Variants in PPFIBP1 observed in about 807,000 individuals in gnomAD.
PPFIBP1 encodes liprin-beta-1.
PPFIBP1 carries 112 observed loss-of-function variants against 137.8 expected under a neutral mutation model. The ratio of observed to expected loss-of-function variants is 0.81; its 90% CI spans 0.70 to 0.95. The LOEUF (loss-of-function observed/expected upper bound fraction) is 0.95, where lower values mean the gene tolerates loss of function less well. PPFIBP1 is among the 40% of genes least tolerant of loss of function. PPFIBP1 has a pLI of 0.00. For missense variants in PPFIBP1, 1,083 were observed against 1,196.6 expected (o/e 0.91, Z 1.40); for synonymous variants, 378 against 417.3 (o/e 0.91, Z 1.15).
intron 1 of PPFIBP1, among the ~76,000 whole-genome samples, chr12:27,555,453 C>T (rs143162218): frequency 5.6e-4 from 86 of 152,262 alleles, no homozygotes; most frequent in African/African-American, 1.9e-3. Context: ...GTGTTTCACT[C>T]GAGCGGGCTA....
chr12:27,566,797 T>G (rs768887129), intron 1 of PPFIBP1, among the ~76,000 whole-genome samples: 19 of 152,144 alleles, frequency 1.2e-4, no homozygotes, highest in Admixed American at 2.6e-4. Flanking sequence ...GGTCAGCAAG[T>G]ACTGGAGCTG....
intron 25 of PPFIBP1, 103 bp downstream of exon 25, chr12:27,687,610 C>G (rs547198156): frequency 2.3e-6 from 3 of 1,325,186 alleles, no homozygotes; most frequent in Admixed American, 4.6e-5. Flanking sequence ...GCAGGAAAAG[C>G]CTTAAAATCC....
chr12:27,646,995 C>A (rs2058548880), intron 5 of PPFIBP1, among the ~76,000 whole-genome samples: 2 of 152,104 alleles, frequency 1.3e-5, no homozygotes, highest in African/African-American at 4.8e-5. Context: ...TTTGAATTCC[C>A]TGGGTTTTGT....
At chr12:27,628,302 G>A (rs1259847252) in intron 2 of PPFIBP1, among the ~76,000 whole-genome samples, 1 of 152,018 alleles carries the variant, frequency 6.6e-6, no homozygotes, top group African/African-American at 2.4e-5. Context: ...TCAGCCTCCT[G>A]AGCAGCTGGA....
At chr12:27,588,804 A>G (rs769195122) in intron 2 of PPFIBP1, among the ~76,000 whole-genome samples, 1 of 152,230 alleles carries the variant, frequency 6.6e-6, no homozygotes, top group East Asian at 1.9e-4. Flanking sequence ...GTAGTTCCTT[A>G]TAAAGCATAT....
At chr12:27,598,920 C>A (rs538621675) in intron 2 of PPFIBP1, among the ~76,000 whole-genome samples, 62 of 152,272 alleles carry the variant, frequency 4.1e-4, no homozygotes, top group Non-Finnish European at 5.3e-4. Context: ...TCTCTTGAAG[C>A]AAGATCAACT....
intron 2 of PPFIBP1, chr12:27,594,170 TTC>T: frequency 1.1e-5 from 4 of 377,356 alleles, no homozygotes; most frequent in Non-Finnish European, 1.8e-5. Context: ...CCATCCCCTT[TTC>T]TATTTTTTTT....
Position 27,573,627 on chromosome 12 carries a change from A to T in PPFIBP1, c.-123-4525A>T, listed in dbSNP as rs541935246. Among the ~76,000 whole-genome samples, 3 of 152,334 alleles carry T rather than the reference A, an allele frequency of 2.0e-5. No homozygotes were observed. In the East Asian group the frequency reaches 5.8e-4, roughly 29 times the overall value. On this transcript the variant is annotated intron_variant, in intron 1 of 29. Transcript: ENST00000228425. ...GTGGAAGGTCTTTAAAGTCAAACTC[A>T]AGGATCTAGACTTTACTCTGCAGAC...
chr12:27,609,495 C>T (rs1291028054), intron 2 of PPFIBP1, among the ~76,000 whole-genome samples: 2 of 152,212 alleles, frequency 1.3e-5, no homozygotes, highest in Non-Finnish European at 2.9e-5. Context: ...TCACTACCTC[C>T]ACCTTGTCCA....
chr12:27,629,260 C>T (rs1371580261), intron 2 of PPFIBP1, among the ~76,000 whole-genome samples: 2 of 152,140 alleles, frequency 1.3e-5, no homozygotes, highest in African/African-American at 4.8e-5. Context: ...AAATAAAGAA[C>T]TTAAATGGGA....
intron 11 of PPFIBP1, among the ~76,000 whole-genome samples, chr12:27,661,420 G>A (rs1385371741): frequency 6.6e-6 from 1 of 152,126 alleles, no homozygotes; most frequent in Non-Finnish European, 1.5e-5. Context: ...CCAGAAAACA[G>A]CGGCATGGGC....
In PPFIBP1 at chr12:27,622,860, T is replaced by C. The variant is rs547043707; in HGVS notation, c.-35-10502T>C. ...CTCCTGATGAAATAGCCTTTTGTTG[T>C]CTATTTAATAAAAAGAAATACTGAT... On this transcript the variant is annotated intron_variant, in intron 2 of 29. Transcript: ENST00000228425. 1.6e-4 allele frequency among the ~76,000 whole-genome samples: 25 copies of C among 152,364 alleles called. 1 individual carries two copies. The highest frequency in any genetic ancestry group is 1.2e-3 in the Admixed American group (19 of 15,302).
intron 2 of PPFIBP1, among the ~76,000 whole-genome samples, chr12:27,581,972 G>T (rs2051166821): frequency 6.7e-6 from 1 of 148,562 alleles, no homozygotes; most frequent in Admixed American, 6.9e-5. Context: ...CTTTGCGTGT[G>T]TGTGTGTACG....
At chr12:27,658,711 T>G (rs866694700) in intron 9 of PPFIBP1, 105 bp from the exon 10 acceptor site, 2 of 1,265,010 alleles carry the variant, frequency 1.6e-6, no homozygotes, top group South Asian at 2.6e-5. Context: ...TGAGGTTAGA[T>G]TTCCGTTATT....
chr12:27,551,389 A>G (rs1483694581), intron 1 of PPFIBP1, among the ~76,000 whole-genome samples: 4 of 152,210 alleles, frequency 2.6e-5, no homozygotes, highest in African/African-American at 9.7e-5. Context: ...AGTACTACGA[A>G]GGTCTAAACC....
At chr12:27,670,854 A>G (rs1167211014) in intron 13 of PPFIBP1, among the ~76,000 whole-genome samples, 1 of 151,288 alleles carries the variant, frequency 6.6e-6, no homozygotes, top group Non-Finnish European at 1.5e-5. Flanking sequence ...AAATCTTACA[A>G]TAAATCATTG....
intron 2 of PPFIBP1, among the ~76,000 whole-genome samples, chr12:27,586,768 A>G (rs769516776): frequency 6.6e-6 from 1 of 152,194 alleles, no homozygotes; most frequent in Non-Finnish European, 1.5e-5. Context: ...AATGCATTAT[A>G]TAGTGACTAT....
At chr12:27,586,976 A>G (rs2051835517) in intron 2 of PPFIBP1, among the ~76,000 whole-genome samples, 1 of 152,236 alleles carries the variant, frequency 6.6e-6, no homozygotes, top group Admixed American at 6.5e-5. Context: ...AAAAATTTCA[A>G]ACGGCAGAGG....
chr12:27,687,435 C>G lies in PPFIBP1; in HGVS notation c.2298C>G (p.Ile766Met). Residue 766 changes from isoleucine (I) to methionine (M), a missense_variant, in exon 25 of 30, where the codon ATC becomes ATG. By Grantham distance (10) the Ile-to-Met change is conservative (BLOSUM62 1). Transcript: ENST00000228425. ...TAAGTGTGCTACACCATCTCAGTAT[C>G]AAAAGGGCCATCCAGGTCCTGAGGA... ...KVVSVLHHLS[I>M]KRAIQVLRIN... The G allele has an allele frequency of 1.2e-6, 2 of 1,614,070 alleles. No homozygotes were observed. Among genetic ancestry groups the G allele is most frequent in the Non-Finnish European group, 8.5e-7 (1 of 1,179,946 alleles).
Sources: allele counts gnomAD v4.1 joint callset (sites outside exome capture counted in the v4.1 genomes callset), GRCh38; gene constraint gnomAD v4.1.1; transcripts MANE v1.5; gene names NCBI Gene and HGNC (gene_info 2026-07-23, HGNC 2026-07-21).